The following LDLRAD4 variants were observed in gnomAD, a reference collection of about 807,000 sequenced individuals.
The protein encoded by LDLRAD4 is low density lipoprotein receptor class A domain containing 4.
Under a neutral mutation model 17.0 loss-of-function variants are expected in LDLRAD4, and 5 were observed. The ratio of observed to expected loss-of-function variants is 0.29; its 90% CI spans 0.15 to 0.62. The LOEUF (loss-of-function observed/expected upper bound fraction) is 0.62. LDLRAD4 is among the 20% of genes least tolerant of loss of function. The pLI is 0.84. For missense variants in LDLRAD4, 340 were observed against 424.7 expected, an observed-to-expected ratio of 0.80 and a Z score of 1.75; for synonymous variants, 168 against 171.8, an observed-to-expected ratio of 0.98 and a Z score of 0.17.
At chr18:13,445,811 AGTGT>A (rs893334231) in intron 3 of LDLRAD4, among the ~76,000 whole-genome samples, 12 of 146,416 alleles carry the variant, frequency 8.2e-5, no homozygotes, top group Admixed American at 7.4e-4. Context: ...TATGTGCATG[AGTGT>A]GTGTGTCTGT....
At chr18:13,318,405 G>A (rs1481431913) in intron 1 of LDLRAD4, among the ~76,000 whole-genome samples, 1 of 152,058 alleles carries the variant, frequency 6.6e-6, no homozygotes, top group Non-Finnish European at 1.5e-5. Context: ...GGGACTACAG[G>A]TGCATGCCAC....
intron 3 of LDLRAD4, among the ~76,000 whole-genome samples, chr18:13,547,733 G>A (rs1456151392): frequency 6.6e-6 from 1 of 152,202 alleles, no homozygotes; most frequent in African/African-American, 2.4e-5. Context: ...CCAGAAGTTT[G>A]GAAATGCTAG....
In LDLRAD4 at chr18:13,403,740, T is replaced by C. The variant is rs570665487; in HGVS notation, c.40+15978T>C. Among the ~76,000 whole-genome samples, 23 of 152,370 alleles carry C rather than the reference T, an allele frequency of 1.5e-4. No homozygotes were observed. The South Asian group carries it at 4.6e-3, about 30-fold the overall frequency. On this transcript the variant is annotated intron_variant, in intron 2 of 5. Transcript: ENST00000359446. ...AAATCCTCGTGGGACTGCGTGTCTT[T>C]ATAGGAGCCAGGGTGTAAATGAACA...
chr18:13,453,991 CCGCCGACTG>C (rs1371005005), intron 3 of LDLRAD4, among the ~76,000 whole-genome samples: 1 of 152,272 alleles, frequency 6.6e-6, no homozygotes, highest in Non-Finnish European at 1.5e-5. Context: ...TCCGGCGCTG[CCGCCGACTG>C]CGGGGACAGA....
At chr18:13,221,618 A>C (rs72879676) in intron 1 of LDLRAD4, among the ~76,000 whole-genome samples, 4,567 of 152,326 alleles carry the variant, frequency 0.03, 79 homozygotes, top group Middle Eastern at 0.058. Context: ...TACCTGTACT[A>C]TTAATTATGC....
intron 3 of LDLRAD4, among the ~76,000 whole-genome samples, chr18:13,454,971 G>A (rs778133188): frequency 6.6e-6 from 1 of 152,242 alleles, no homozygotes; most frequent in African/African-American, 2.4e-5. Context: ...TGCTCAGTCC[G>A]CGTTTGTTGA....
At chr18:13,454,084 G>A (rs535430139) in intron 3 of LDLRAD4, among the ~76,000 whole-genome samples, 4 of 152,260 alleles carry the variant, frequency 2.6e-5, no homozygotes, top group African/African-American at 9.6e-5. Flanking sequence ...TCCAAAAGGG[G>A]CATCCTGCCT....
At chr18:13,347,328 T>C (rs1411548595) in intron 1 of LDLRAD4, among the ~76,000 whole-genome samples, 3 of 152,236 alleles carry the variant, frequency 2.0e-5, no homozygotes, top group Admixed American at 2.0e-4. Context: ...CTTTCACTTA[T>C]GAAGCTTAGT....
At chr18:13,611,725 A>T (rs2039576372) in intron 3 of LDLRAD4, 1 of 985,234 alleles carries the variant, frequency 1.0e-6, no homozygotes, top group Non-Finnish European at 1.2e-6. Flanking sequence ...GCTACCATAC[A>T]TGGGGAATAA....
chr18:13,321,414 G>T (rs984128942), intron 1 of LDLRAD4, among the ~76,000 whole-genome samples: 1 of 152,034 alleles, frequency 6.6e-6, no homozygotes, highest in Non-Finnish European at 1.5e-5. Context: ...AATTCTCTTC[G>T]GGACTCATTC....
intron 1 of LDLRAD4, among the ~76,000 whole-genome samples, chr18:13,258,470 A>G (rs1011535674): frequency 6.6e-6 from 1 of 152,004 alleles, no homozygotes; most frequent in African/African-American, 2.4e-5. Context: ...TGAATATTTT[A>G]TGGTCATGGA....
At chr18:13,232,049 T>C (rs938074050) in intron 1 of LDLRAD4, among the ~76,000 whole-genome samples, 1 of 152,190 alleles carries the variant, frequency 6.6e-6, no homozygotes, top group African/African-American at 2.4e-5. Flanking sequence ...CACTAAAAAC[T>C]GAATTCGAAG....
In LDLRAD4 at chr18:13,333,584, G is replaced by T. The variant is rs1317402973; in HGVS notation, c.-382-53757G>T. ...TCTGTTTAGAGTTAATTTTTGTGAA[G>T]GGTGTAAGGTATGTGTCTAGGTTTA... is the stretch of plus-strand genomic sequence containing the variant. On this transcript the variant is annotated intron_variant, in intron 1 of 5. Transcript: ENST00000359446. 3.9e-5 allele frequency among the ~76,000 whole-genome samples: 6 copies of T among 152,324 alleles called. No individual in the cohort carries two copies. The East Asian group carries it at 1.2e-3, about 29-fold the overall frequency.
At position 13,621,491 on chromosome 18, in the gene LDLRAD4, C is replaced by T. The variant is rs1036626058; in HGVS notation, c.336+220C>T. 2.6e-5 allele frequency among the ~76,000 whole-genome samples: 4 copies of T among 152,242 alleles called. No individual in the cohort carries two copies. The highest frequency in any genetic ancestry group is 3.9e-4 in the East Asian group (2 of 5,192). On this transcript the variant is annotated intron_variant, in intron 4 of 5. Coordinates refer to ENST00000359446, the Ensembl canonical transcript of LDLRAD4. The surrounding 1 kb of genome is among the most constrained non-coding windows in gnomAD (Gnocchi z 5.5). ...ACACAGCAGTCCCCCCAGAAGCCTG[C>T]GTGACCCCTCCCAGGTCTCCCCTGG...
At chr18:13,479,878 T>A in intron 3 of LDLRAD4, among the ~76,000 whole-genome samples, 1 of 152,008 alleles carries the variant, frequency 6.6e-6, no homozygotes, top group East Asian at 1.9e-4. Context: ...AATAATGAGA[T>A]CCCACTGTAT....
intron 3 of LDLRAD4, among the ~76,000 whole-genome samples, chr18:13,453,306 G>A (rs1039407222): frequency 1.3e-5 from 2 of 152,144 alleles, no homozygotes; most frequent in Admixed American, 6.5e-5. Flanking sequence ...TTCGAAAGGA[G>A]CAGGACCCTT....
chr18:13,244,547 C>T (rs1337311856), intron 1 of LDLRAD4, among the ~76,000 whole-genome samples: 1 of 152,224 alleles, frequency 6.6e-6, no homozygotes, highest in Non-Finnish European at 1.5e-5. Context: ...CTACGTCTCT[C>T]TTTTTGTTAT....
At chr18:13,565,922 G>A (rs72882497) in intron 3 of LDLRAD4, among the ~76,000 whole-genome samples, 26,622 of 152,228 alleles carry the variant, frequency 0.17, 2,535 homozygotes, top group East Asian at 0.32. Flanking sequence ...AGACTGTGAC[G>A]ATGATGTCCC....
At chr18:13,563,543 T>C (rs2094562577) in intron 3 of LDLRAD4, among the ~76,000 whole-genome samples, 1 of 152,222 alleles carries the variant, frequency 6.6e-6, no homozygotes, top group Non-Finnish European at 1.5e-5. Flanking sequence ...ATGGACATGT[T>C]CTGCAGCTTT....
Sources: gnomAD v4.1 joint callset for allele counts (sites outside exome capture counted in the v4.1 genomes callset) on GRCh38, gnomAD v4.1.1 for gene constraint, Gnocchi (gnomAD v3.1) non-coding constraint, MANE v1.5 for transcripts, NCBI Gene and HGNC (gene_info 2026-07-23, HGNC 2026-07-21) for gene names.